Variants in GLMN observed in about 807,000 individuals in gnomAD.
GLMN encodes glomulin, FKBP associated protein, also known as glomulin.
Under a neutral mutation model 87.8 loss-of-function variants are expected in GLMN, and 75 were observed. The observed-to-expected ratio is 0.85, with a 90% CI of 0.71 to 1.04. The LOEUF (loss-of-function observed/expected upper bound fraction) is 1.04, where lower values mean the gene tolerates loss of function less well. Ranked by LOEUF, GLMN falls within the 50% of genes least tolerant of loss-of-function variation. The pLI is 0.00. For synonymous variants in GLMN, 206 were observed against 221.6 expected (o/e 0.93, Z 0.63); for missense variants, 588 against 658.8 (o/e 0.89, Z 1.18).
At chr1:92,313,658 C>A in the GLMN span, among the ~76,000 whole-genome samples, 1 of 152,156 alleles carries the variant, frequency 6.6e-6, no homozygotes, top group African/African-American at 2.4e-5. Context: ...TAGCCCCTAA[C>A]AAGAGAGTCA....
the GLMN span, among the ~76,000 whole-genome samples, chr1:92,368,647 CTT>C: frequency 5.9e-5 from 9 of 152,168 alleles, no homozygotes; most frequent in African/African-American, 1.4e-4. Flanking sequence ...AAATCTCTCT[CTT>C]GATTCAGTTA....
chr1:92,340,975 A>G, the GLMN span, among the ~76,000 whole-genome samples: 1 of 152,288 alleles, frequency 6.6e-6, no homozygotes, highest in East Asian at 1.9e-4. Flanking sequence ...TTCAATCTGT[A>G]TGAATTTCAA....
chr1:92,341,198 G>A, the GLMN span, among the ~76,000 whole-genome samples: 2 of 152,068 alleles, frequency 1.3e-5, no homozygotes, highest in African/African-American at 4.8e-5. Flanking sequence ...TTGTAGAGAC[G>A]AGGTTTCACC....
the GLMN span, among the ~76,000 whole-genome samples, chr1:92,319,117 C>T: frequency 6.6e-6 from 1 of 152,002 alleles, no homozygotes; most frequent in Non-Finnish European, 1.5e-5. Context: ...GCCTCAAATG[C>T]CTTTATATAC....
chr1:92,324,284 A>T, the GLMN span: 13 of 1,614,002 alleles, frequency 8.1e-6, no homozygotes, highest in African/African-American at 2.7e-5. Context: ...TTGAAAAAAG[A>T]AACTGAAAAG....
At chr1:92,278,692 C>T (rs1647597644) in intron 7 of GLMN, among the ~76,000 whole-genome samples, 1 of 152,176 alleles carries the variant, frequency 6.6e-6, no homozygotes, top group South Asian at 2.1e-4. Flanking sequence ...CTAAAAATCC[C>T]TCAACTCTGA....
the GLMN span, among the ~76,000 whole-genome samples, chr1:92,361,143 A>T: frequency 2.7e-5 from 4 of 146,880 alleles, no homozygotes; most frequent in Non-Finnish European, 1.5e-5. Context: ...ACACACATAA[A>T]CACACACACA....
At chr1:92,254,420 C>A (rs192374706) in intron 16 of GLMN, among the ~76,000 whole-genome samples, 1 of 152,090 alleles carries the variant, frequency 6.6e-6, no homozygotes, top group Admixed American at 6.5e-5. Flanking sequence ...ACAGAGAACA[C>A]CACAAAGATA....
At chr1:92,347,063 G>T in the GLMN span, among the ~76,000 whole-genome samples, 1 of 152,142 alleles carries the variant, frequency 6.6e-6, no homozygotes, top group African/African-American at 2.4e-5. Context: ...GTGCTGAGAA[G>T]CATTAGAGTA....
the GLMN span, among the ~76,000 whole-genome samples, chr1:92,310,538 T>C: frequency 6.6e-6 from 1 of 152,146 alleles, no homozygotes; most frequent in African/African-American, 2.4e-5. Flanking sequence ...TAGCTTACAA[T>C]GAGTCATGAT....
chr1:92,299,628 A>G (rs1284836310), upstream of GLMN, among the ~76,000 whole-genome samples: 1 of 152,180 alleles, frequency 6.6e-6, no homozygotes, highest in Non-Finnish European at 1.5e-5. Context: ...AGGAGTGGTT[A>G]ATTAAGCAAC....
At chr1:92,341,282 T>C in the GLMN span, among the ~76,000 whole-genome samples, 10 of 152,198 alleles carry the variant, frequency 6.6e-5, no homozygotes, top group Non-Finnish European at 1.3e-4. Flanking sequence ...GTGCTGGTAT[T>C]ACAGGCATGA....
intron 5 of GLMN, among the ~76,000 whole-genome samples, chr1:92,289,733 A>AT (rs1241626367): frequency 6.6e-6 from 1 of 152,132 alleles, no homozygotes; most frequent in Non-Finnish European, 1.5e-5. Flanking sequence ...TTATCATCCC[A>AT]TATCTCCTCG....
chr1:92,313,816 G>T, the GLMN span, among the ~76,000 whole-genome samples: 1 of 152,214 alleles, frequency 6.6e-6, no homozygotes, highest in African/African-American at 2.4e-5. Flanking sequence ...CTCCTAGCTA[G>T]ATCTGTTGGA....
At chr1:92,301,434 A>G (rs372543867), upstream of GLMN, 10 of 1,019,290 alleles carry the variant, frequency 9.8e-6, no homozygotes, top group African/African-American at 1.6e-5. Context: ...AATGTTGGAC[A>G]TGAAGCTTTT....
At chr1:92,323,044 T>TTATATTTATATATATACTTTATATA in the GLMN span, among the ~76,000 whole-genome samples, 1 of 145,344 alleles carries the variant, frequency 6.9e-6, no homozygotes, top group African/African-American at 2.5e-5. Flanking sequence ...TTATATATCT[T>TTATATTTATATATATACTTTATATA]TATATTTATA....
At chr1:92,349,244 G>T in the GLMN span, among the ~76,000 whole-genome samples, 1 of 152,096 alleles carries the variant, frequency 6.6e-6, no homozygotes, top group African/African-American at 2.4e-5. Flanking sequence ...ATTCTAAATG[G>T]CAGTTGTCAC....
intron 7 of GLMN, among the ~76,000 whole-genome samples, chr1:92,273,396 A>C (rs1346837514): frequency 6.7e-6 from 1 of 149,446 alleles, no homozygotes; most frequent in Non-Finnish European, 1.5e-5. Flanking sequence ...CCATTTCTTT[A>C]TTCAGCCAAT....
At chr1:92,336,653 C>T in the GLMN span, among the ~76,000 whole-genome samples, 1 of 151,998 alleles carries the variant, frequency 6.6e-6, no homozygotes, top group African/African-American at 2.4e-5. Flanking sequence ...AGTTTATTTA[C>T]GGAATAGCCT....
Sources: gnomAD v4.1 joint callset for allele counts (sites outside exome capture counted in the v4.1 genomes callset) on GRCh38, gnomAD v4.1.1 for gene constraint, MANE v1.5 for transcripts, NCBI Gene and HGNC (gene_info 2026-07-23, HGNC 2026-07-21) for gene names.